The following CDK14 variants were observed in gnomAD, a reference collection of about 807,000 sequenced individuals.
CDK14 encodes cyclin-dependent kinase 14.
Under a neutral mutation model 60.7 loss-of-function variants are expected in CDK14, and 34 were observed. The observed-to-expected ratio is 0.56, with a 90% CI of 0.43 to 0.75. The LOEUF is 0.75. Ranked by LOEUF, CDK14 falls within the 30% of genes least tolerant of loss-of-function variation. The pLI is 0.00. For missense variants in CDK14, 482 were observed against 564.1 expected, an observed-to-expected ratio of 0.85 and a Z score of 1.47; for synonymous variants, 197 against 203.7, an observed-to-expected ratio of 0.97 and a Z score of 0.28.
At chr7:90,990,239 C>T (rs1043435451) in intron 10 of CDK14, among the ~76,000 whole-genome samples, 2 of 152,250 alleles carry the variant, frequency 1.3e-5, no homozygotes, top group Non-Finnish European at 2.9e-5. Context: ...GATTGTGCCA[C>T]TGCACTCCAG....
rs188166868 is a variant in CDK14, at chr7:91,201,755, G to C, written c.*29-5410G>C. On this transcript the variant is annotated intron_variant, in intron 14 of 14. Transcript: ENST00000380050. ...CACAGAGGGAATTAGAAAGAGCCTG[G>C]CTCGTTTTTAATTTGGGTCTGTTTG... Among the ~76,000 whole-genome samples the C allele has an allele frequency of 3.5e-3, 536 of 152,288 alleles. 2 individuals are homozygous for C. The highest frequency in any genetic ancestry group is 6.0e-3 in the Non-Finnish European group (406 of 68,020).
At chr7:90,694,233 T>C (rs1197373319) in intron 2 of CDK14, among the ~76,000 whole-genome samples, 1 of 152,110 alleles carries the variant, frequency 6.6e-6, no homozygotes, top group Non-Finnish European at 1.5e-5. Context: ...GAGTAATCTC[T>C]AAGGTTAAGA....
chr7:90,991,832 T>A (rs1795546921), intron 10 of CDK14, among the ~76,000 whole-genome samples: 2 of 152,148 alleles, frequency 1.3e-5, no homozygotes, highest in African/African-American at 2.4e-5. Context: ...GGGTATAGCC[T>A]CAGAGGGATG....
intron 9 of CDK14, among the ~76,000 whole-genome samples, chr7:90,974,463 T>G (rs1250512523): frequency 2.0e-5 from 3 of 152,224 alleles, no homozygotes; most frequent in Admixed American, 6.5e-5. Flanking sequence ...CCATGAAATC[T>G]TCACAATTTA....
At chr7:90,669,880 G>A (rs958496471) in intron 2 of CDK14, among the ~76,000 whole-genome samples, 1 of 152,210 alleles carries the variant, frequency 6.6e-6, no homozygotes, top group African/African-American at 2.4e-5. Context: ...ATATAGAATA[G>A]ATTGACAGCA....
At chr7:90,996,544 A>G (rs906823562) in intron 10 of CDK14, among the ~76,000 whole-genome samples, 14 of 152,224 alleles carry the variant, frequency 9.2e-5, no homozygotes, top group African/African-American at 3.4e-4. Context: ...TCCCTTAGAG[A>G]ACAGTTTTAT....
intron 11 of CDK14, among the ~76,000 whole-genome samples, chr7:91,057,808 G>A (rs1797632699): frequency 6.6e-6 from 1 of 152,080 alleles, no homozygotes; most frequent in Non-Finnish European, 1.5e-5. Context: ...GGTTACTGTA[G>A]CCTTGTAGTA....
At chr7:90,829,861 T>TAA (rs1357911655) in intron 5 of CDK14, among the ~76,000 whole-genome samples, 1 of 152,152 alleles carries the variant, frequency 6.6e-6, no homozygotes, top group African/African-American at 2.4e-5. Flanking sequence ...CCAAAACAGT[T>TAA]ACCTTTGACT....
chr7:90,960,618 T>G (rs1794575730), intron 9 of CDK14, among the ~76,000 whole-genome samples: 1 of 152,158 alleles, frequency 6.6e-6, no homozygotes, highest in Non-Finnish European at 1.5e-5. Context: ...GAAAAGAAAT[T>G]GCCTGTTTAT....
At chr7:90,942,775 A>T (rs740827) in intron 8 of CDK14, among the ~76,000 whole-genome samples, 9,838 of 152,248 alleles carry the variant, frequency 0.065, 400 homozygotes, top group East Asian at 0.18. Flanking sequence ...TTTTTGAAAC[A>T]TCAAGATGCA....
At chr7:91,012,268 C>T (rs1409059119) in intron 10 of CDK14, among the ~76,000 whole-genome samples, 1 of 152,166 alleles carries the variant, frequency 6.6e-6, no homozygotes, top group African/African-American at 2.4e-5. Context: ...GAATAGGCAC[C>T]ATTGTCATCC....
rs543118376 is a variant in CDK14 at position 90,756,482 on chromosome 7, A to T, written c.464+8707A>T. Among the ~76,000 whole-genome samples the T allele has an allele frequency of 2.0e-5, 3 of 152,304 alleles. No homozygotes were observed. The East Asian group carries it at 5.8e-4, about 29-fold the overall frequency. On this transcript the variant is annotated intron_variant, in intron 4 of 14. Transcript: ENST00000380050. ...TTTTCACTCTAGTAGGTATTAATTT[A>T]TCTTGTTAGCATTTCTTGAGCAGTT...
At chr7:91,130,998 G>A (rs549568396) in intron 14 of CDK14, among the ~76,000 whole-genome samples, 1 of 152,226 alleles carries the variant, frequency 6.6e-6, no homozygotes, top group South Asian at 2.1e-4. Flanking sequence ...AGTAACTCAT[G>A]GAAATCTGGG....
chr7:91,180,900 C>T (rs1801981141), intron 14 of CDK14, among the ~76,000 whole-genome samples: 1 of 152,174 alleles, frequency 6.6e-6, no homozygotes, highest in Admixed American at 6.5e-5. Flanking sequence ...ATGTACAGAG[C>T]TTCAACAATT....
intron 14 of CDK14, among the ~76,000 whole-genome samples, chr7:91,147,162 T>TCTCTCTCTCTCACACACA (rs1438870514): frequency 8.0e-6 from 1 of 124,698 alleles, no homozygotes; most frequent in African/African-American, 3.3e-5. Flanking sequence ...TCTCTCTCTC[T>TCTCTCTCTCTCACACACA]CACACACACA....
intron 2 of CDK14, among the ~76,000 whole-genome samples, chr7:90,652,995 G>C (rs1320263838): frequency 6.6e-6 from 1 of 152,122 alleles, no homozygotes; most frequent in Non-Finnish European, 1.5e-5. Flanking sequence ...TCTGTACCCT[G>C]GGTTGGCTGA....
chr7:91,079,067 G>A (rs1432015094), intron 11 of CDK14, among the ~76,000 whole-genome samples: 1 of 152,176 alleles, frequency 6.6e-6, no homozygotes, highest in Non-Finnish European at 1.5e-5. Flanking sequence ...GAAAAAAACA[G>A]CAAGTCTCAC....
intron 1 of CDK14, among the ~76,000 whole-genome samples, chr7:90,603,005 CAG>C (rs1160570711): frequency 1.3e-5 from 2 of 152,166 alleles, no homozygotes; most frequent in African/African-American, 4.8e-5. Context: ...TTACTTTTCT[CAG>C]AGCTTAATTG....
intron 14 of CDK14, among the ~76,000 whole-genome samples, chr7:91,180,519 C>T (rs1372904894): frequency 6.6e-6 from 1 of 152,134 alleles, no homozygotes; most frequent in Non-Finnish European, 1.5e-5. Flanking sequence ...AGAATGTTGA[C>T]GTTAGTTCTC....
Sources: gnomAD v4.1 joint callset for allele counts (sites outside exome capture counted in the v4.1 genomes callset) on GRCh38, gnomAD v4.1.1 for gene constraint, MANE v1.5 for transcripts, NCBI Gene and HGNC (gene_info 2026-07-23, HGNC 2026-07-21) for gene names.